Variants in GAK observed in about 807,000 individuals in gnomAD.
The protein encoded by GAK is cyclin G associated kinase, also known as cyclin-G-associated kinase.
In GAK, 79 loss-of-function variants were observed where a neutral mutation model predicts 143.9. The ratio of observed to expected loss-of-function variants is 0.55; its 90% confidence interval spans 0.46 to 0.66. The LOEUF (loss-of-function observed/expected upper bound fraction) is 0.66. Among genes scored for constraint, GAK ranks in the 30% least tolerant of loss-of-function variants. The pLI is 0.00. For missense variants in GAK, 1,693 were observed against 1,779.7 expected, an observed-to-expected ratio of 0.95 and a Z score of 0.88; for synonymous variants, 881 against 765.5, an observed-to-expected ratio of 1.15 and a Z score of -2.49.
At chr4:930,284 G>A (rs1725445970) in intron 1 of GAK, among the ~76,000 whole-genome samples, 1 of 152,160 alleles carries the variant, frequency 6.6e-6, no homozygotes, top group East Asian at 1.9e-4. Context: ...TTACAAGGAG[G>A]AAATCTACAG....
intron 18 of GAK, among the ~76,000 whole-genome samples, chr4:871,297 C>T (rs1029460218): frequency 1.4e-4 from 22 of 152,356 alleles, no homozygotes; most frequent in African/African-American, 5.3e-4. Flanking sequence ...GACTCCGGCA[C>T]CCAGGCAGGC....
At chr4:895,450 C>G (rs536294107) in intron 7 of GAK, among the ~76,000 whole-genome samples, 11 of 152,228 alleles carry the variant, frequency 7.2e-5, no homozygotes, top group South Asian at 6.2e-4. Context: ...AGAACACAGG[C>G]AATGACCACA....
chr4:882,096 C>CGCGGGGTCCTCGGGCATCCTACCCACCCT, intron 14 of GAK, 56 bp from the exon 15 acceptor site: 1 of 1,533,276 alleles, frequency 6.5e-7, no homozygotes. Context: ...GACAAGGGCT[C>CGCGGGGTCCTCGGGCATCCTACCCACCCT]GCGGGGTCCT....
intron 6 of GAK, among the ~76,000 whole-genome samples, chr4:896,782 A>G (rs1718885457): frequency 6.6e-6 from 1 of 152,154 alleles, no homozygotes; most frequent in South Asian, 2.1e-4. Flanking sequence ...ACCTCCCTCA[A>G]TCTCCTACGG....
intron 6 of GAK, among the ~76,000 whole-genome samples, chr4:896,751 A>G (rs1316508851): frequency 1.1e-4 from 16 of 152,268 alleles, no homozygotes; most frequent in Admixed American, 1.0e-3. Context: ...CGCGCTCCTT[A>G]CGATGAGGAC....
At chr4:876,679 T>C in intron 17 of GAK, 70 bp from the exon 18 acceptor site, 1 of 1,372,748 alleles carries the variant, frequency 7.3e-7, no homozygotes, top group Non-Finnish European at 1.0e-6. Context: ...AGGCCAATTT[T>C]TCCCAATGGG....
chr4:862,967 C>G (rs1420990695), intron 23 of GAK, among the ~76,000 whole-genome samples: 2 of 152,226 alleles, frequency 1.3e-5, no homozygotes, highest in Non-Finnish European at 2.9e-5. Flanking sequence ...CCAAGTCTCC[C>G]TATTTAAGAA....
At chr4:912,111 C>T (rs895961892) in intron 3 of GAK, 12 of 464,488 alleles carry the variant, frequency 2.6e-5, no homozygotes, top group Admixed American at 1.2e-4. Context: ...AGGGAGGCTG[C>T]GGCGTGGCTG....
chr4:917,160 A>ACAC (rs1430862986), intron 1 of GAK, among the ~76,000 whole-genome samples: 4 of 152,116 alleles, frequency 2.6e-5, no homozygotes, highest in African/African-American at 9.7e-5. Flanking sequence ...GAGAGTACAT[A>ACAC]CACACATACA....
At chr4:861,616 C>T (rs1750293139) in intron 23 of GAK, among the ~76,000 whole-genome samples, 1 of 152,168 alleles carries the variant, frequency 6.6e-6, no homozygotes, top group South Asian at 2.1e-4. Flanking sequence ...AGATAAGCTA[C>T]AAGCTAGGCC....
At chr4:883,657 C>T (rs1464476397) in intron 12 of GAK, among the ~76,000 whole-genome samples, 194 bp from the exon 13 acceptor site, 1 of 152,236 alleles carries the variant, frequency 6.6e-6, no homozygotes, top group East Asian at 1.9e-4. Context: ...ATGGACCCAG[C>T]CACACGCCCA....
At chr4:886,110 C>G (rs887723164) in intron 11 of GAK, 2 of 152,266 alleles carry the variant, frequency 1.3e-5, no homozygotes, top group South Asian at 4.1e-4. Context: ...GCTTCTAAGT[C>G]AACTTTACAA....
At chr4:881,043 C>G (rs898288934) in intron 15 of GAK, among the ~76,000 whole-genome samples, 6 of 152,104 alleles carry the variant, frequency 3.9e-5, no homozygotes, top group Middle Eastern at 3.2e-3. Flanking sequence ...CTCCTCCCCC[C>G]AAGGCTGTGA....
chr4:883,087 G>A (rs1577149479), intron 13 of GAK, among the ~76,000 whole-genome samples: 1 of 152,228 alleles, frequency 6.6e-6, no homozygotes, highest in Non-Finnish European at 1.5e-5. Flanking sequence ...CCTCTGGCTG[G>A]TGGGAAGCAG....
chr4:868,441 C>A, intron 20 of GAK, 98 bp downstream of exon 20: 2 of 1,325,002 alleles, frequency 1.5e-6, no homozygotes, highest in East Asian at 2.5e-5. Context: ...TCAGCTCTGC[C>A]GGAGGCCCGT....
intron 15 of GAK, among the ~76,000 whole-genome samples, chr4:878,098 C>G (rs944598989): frequency 3.4e-4 from 51 of 152,134 alleles, no homozygotes; most frequent in African/African-American, 9.6e-4. Context: ...TTAGAAGTTG[C>G]TTAATTTTGA....
intron 25 of GAK, 23 bp downstream of exon 25, chr4:851,727 G>A: frequency 6.2e-7 from 1 of 1,604,644 alleles, no homozygotes; most frequent in South Asian, 1.1e-5. Flanking sequence ...AAACTCCACA[G>A]CAACAGAGAG....
rs1751319833 is a variant in GAK, at chr4:867,038, G to A, written c.2790C>T (p.Leu930=). Residue 930 remains leucine (L), a synonymous_variant, in exon 21 of 28, where the codon CTC becomes CTT. Transcript: ENST00000314167. ...AASQGPPEDL[L]SEDPLLLASP... ...TTGCCAGGAGCAGCGGGTCCTCGCT[G>A]AGCAGATCCTCCGGGGGCCCCTGGG... The A allele has an allele frequency of 6.6e-7, 1 of 1,517,548 alleles. No homozygotes were observed. The highest frequency in any genetic ancestry group is 8.8e-7 in the Non-Finnish European group (1 of 1,133,444). 94.0% of individuals were successfully genotyped at this position (1,517,548 alleles called of 1,614,324 possible).
intron 21 of GAK, among the ~76,000 whole-genome samples, 159 bp downstream of exon 21, chr4:866,797 G>A (rs891336522): frequency 3.3e-5 from 5 of 152,186 alleles, no homozygotes; most frequent in Non-Finnish European, 7.4e-5. Flanking sequence ...GGGCAGCACA[G>A]AACCCTGACA....
Sources: gnomAD v4.1 joint callset for allele counts (sites outside exome capture counted in the v4.1 genomes callset) on GRCh38, gnomAD v4.1.1 for gene constraint, MANE v1.5 for transcripts, NCBI Gene and HGNC (gene_info 2026-07-23, HGNC 2026-07-21) for gene names.